The following OLR1 variants were observed in gnomAD, a reference collection of about 807,000 sequenced individuals.
The protein encoded by OLR1 is oxidized low-density lipoprotein receptor 1.
Under a neutral mutation model 31.7 loss-of-function variants are expected in OLR1, and 23 were observed. That is an observed-to-expected ratio of 0.72 (90% confidence interval 0.52 to 1.03). The LOEUF (loss-of-function observed/expected upper bound fraction) is 1.03, where lower values mean the gene tolerates loss of function less well. Ranked by LOEUF, OLR1 falls within the 50% of genes least tolerant of loss-of-function variation. The pLI is 0.00. For missense variants in OLR1, 286 were observed against 315.7 expected, an observed-to-expected ratio of 0.91 and a Z score of 0.71; for synonymous variants, 117 against 115.8, an observed-to-expected ratio of 1.01 and a Z score of -0.07.
In OLR1 at chr12:10,159,287, A is replaced by ATATG. The variant is rs1555086604; in HGVS notation, c.*592_*593insCATA. 7 of 148,398 alleles carry ATATG rather than the reference A, an allele frequency of 4.7e-5. No homozygotes were observed. Among genetic ancestry groups the ATATG allele is most frequent in the African/African-American group, 1.7e-4 (7 of 40,074 alleles). The allele number at this position is 148,398 out of a possible 1,614,324, so 9.2% of individuals were successfully genotyped here. The stretch of plus-strand genomic sequence containing the variant: ...TCTTGGGCTCCCCACTTGTCCCAAA[A>ATATG]TGTGTGTGTGTGTGTGTGTGTGTGT... On this transcript the variant is annotated 3_prime_UTR_variant, in exon 6 of 6. Coordinates refer to ENST00000309539, the MANE Select transcript of OLR1 (RefSeq NM_002543.4).
intron 1 of OLR1, 112 bp downstream of exon 1, chr12:10,171,890 C>T (rs1163032283): frequency 7.1e-6 from 5 of 704,366 alleles, no homozygotes; most frequent in African/African-American, 1.8e-5. Flanking sequence ...GGTATTAATT[C>T]TATTTTCCCA....
chr12:10,161,574 A>G (rs551560738), intron 3 of OLR1, among the ~76,000 whole-genome samples: 1 of 152,210 alleles, frequency 6.6e-6, no homozygotes, highest in South Asian at 2.1e-4. Flanking sequence ...GCATTTCTTA[A>G]AACAAATTAT....
Position 10,166,800 on chromosome 12 carries a change from C to T in OLR1, c.336G>A (p.Lys112=), listed in dbSNP as rs752617841. 4.3e-6 allele frequency: 7 copies of T among 1,613,792 alleles called. 1 individual carries two copies. In the East Asian group the frequency reaches 1.6e-4, roughly 36 times the overall value. Residue 112 remains lysine (K), a synonymous_variant, in exon 3 of 6, where the codon AAG becomes AAA. Coordinates refer to ENST00000309539, the MANE Select transcript of OLR1 (RefSeq NM_002543.4). ...LKEMIETLAR[K]LNEKSKEQME... ...TTTGCTCTTTGGATTTCTCATTCAGCTTCCGAGCAAGGGTTTCTATCATTT... is the reference window on the plus strand; with the variant it reads ...TTTGCTCTTTGGATTTCTCATTCAGTTTCCGAGCAAGGGTTTCTATCATTT...
intron 3 of OLR1, 71 bp downstream of exon 3, chr12:10,166,641 G>T: frequency 6.4e-7 from 1 of 1,570,210 alleles, no homozygotes; most frequent in East Asian, 2.2e-5. Flanking sequence ...GCCCAGAATT[G>T]TTTCCAAAAA....
chr12:10,165,181 C>T (rs2450939), intron 3 of OLR1, among the ~76,000 whole-genome samples: 150,726 of 151,386 alleles, frequency 1, 75,034 homozygotes, highest in East Asian at 1. Context: ...GAGAATCCCT[C>T]GAACCCGGGA....
intron 5 of OLR1, 25 bp downstream of exon 5, chr12:10,160,322 G>A (rs558117034): frequency 9.1e-6 from 14 of 1,540,568 alleles, no homozygotes; most frequent in Non-Finnish European, 1.3e-5. Flanking sequence ...GACGAGAGAG[G>A]CATCAAAAAG....
rs946347111 is a variant in OLR1, at chr12:10,159,382, A to G, written c.*498T>C. 6.5e-6 allele frequency: 1 copy of G among 154,032 alleles called. No homozygotes were observed. The highest frequency in any genetic ancestry group is 2.4e-5 in the African/African-American group (1 of 41,344). 9.5% of individuals were successfully genotyped at this position (154,032 alleles called of 1,614,324 possible). On this transcript the variant is annotated 3_prime_UTR_variant, in exon 6 of 6. Transcript: ENST00000309539. ...CACAGTTTAAAAACCAAGGATTGAT[A>G]CCTTTTTTAAAGTTAAGAACATGAG...
chr12:10,172,002 C>A lies in OLR1; in HGVS notation c.76G>T (p.Gly26Cys), dbSNP rs1364146823. 2 of 1,611,558 alleles carry A rather than the reference C, an allele frequency of 1.2e-6. No individual in the cohort carries two copies. Among genetic ancestry groups the A allele is most frequent in the East Asian group, 2.2e-5 (1 of 44,840 alleles). ...DEKSNGKKAK[G>C]LQFLYSPWWC... ...GTACACATTTTCCCATCCCTAGTAC[C>A]TTTAGCTTTTTTTCCATTTGACTTC... Residue 26 changes from glycine to cysteine, a missense_variant and splice_region_variant, in exon 1 of 6, where the codon GGT (glycine) becomes TGT (cysteine). Transcript: ENST00000309539.
chr12:10,170,666 A>G (rs758365899), intron 1 of OLR1: 9 of 151,838 alleles, frequency 5.9e-5, no homozygotes, highest in Non-Finnish European at 1.2e-4. Context: ...TAAATTTTGT[A>G]TTTTTAGTAC....
chr12:10,162,732 G>A (rs973177707), intron 3 of OLR1, among the ~76,000 whole-genome samples: 3 of 152,184 alleles, frequency 2.0e-5, no homozygotes, highest in Non-Finnish European at 4.4e-5. Context: ...GGAGACTGAG[G>A]TGGAAGGATC....
upstream of OLR1, among the ~76,000 whole-genome samples, chr12:10,174,384 C>G (rs901143212): frequency 6.6e-6 from 1 of 152,118 alleles, no homozygotes; most frequent in Non-Finnish European, 1.5e-5. Context: ...TTGACTGGGT[C>G]ATGGGGTTCC....
rs969706948 is a variant in OLR1, at chr12:10,158,620, A to C, written c.*1260T>G. 10 of 152,304 alleles carry C rather than the reference A, an allele frequency of 6.6e-5. No individual in the cohort carries two copies. The highest frequency in any genetic ancestry group is 2.4e-4 in the African/African-American group (10 of 41,570). The allele number at this position is 152,304 out of a possible 1,614,324, so 9.4% of individuals were successfully genotyped here. On this transcript the variant is annotated 3_prime_UTR_variant, in exon 6 of 6. Coordinates refer to ENST00000309539, the MANE Select transcript of OLR1 (RefSeq NM_002543.4). ...TCAGGAGGAGCATTGTGACACTTTG[A>C]GGGATGATGGATATGTTCACTCTCT...
At position 10,166,936 on chromosome 12, in the gene OLR1, A is replaced by G. The variant is rs1049843352; in HGVS notation, c.200T>C (p.Leu67Pro). The G allele has an allele frequency of 6.2e-7, 1 of 1,613,460 alleles. No homozygotes were observed. Among genetic ancestry groups the G allele is most frequent in the African/African-American group, 1.3e-5 (1 of 74,732 alleles). Residue 67 changes from leucine to proline, a missense_variant, in exon 3 of 6, where the codon CTA becomes CCA. Coordinates refer to ENST00000309539, the MANE Select transcript of OLR1 (RefSeq NM_002543.4). ...AGTTAGGTTTGCTTGCTCTTGTGTT[A>G]GGAGGTCAGACACCTGGGATACTGA... ...GMQLSQVSDL[L>P]TQEQANLTHQ...
chr12:10,168,784 G>A lies in OLR1; in HGVS notation c.178+290C>T, dbSNP rs186131290. Among the ~76,000 whole-genome samples, 55 of 152,136 alleles carry A rather than the reference G, an allele frequency of 3.6e-4. 4 individuals carry two copies. The East Asian group carries it at 0.01, about 29-fold the overall frequency. On this transcript the variant is annotated intron_variant, in intron 2 of 5. Transcript: ENST00000309539. ...GCTGGGATTACAGGTGTGAGCCACCGCACCCGGCCTATCCATGAAGTTATG... is the reference window on the plus strand; with the variant it reads ...GCTGGGATTACAGGTGTGAGCCACCACACCCGGCCTATCCATGAAGTTATG...
At chr12:10,164,235 C>T (rs974180844) in intron 3 of OLR1, among the ~76,000 whole-genome samples, 10 of 152,172 alleles carry the variant, frequency 6.6e-5, no homozygotes, top group Non-Finnish European at 1.3e-4. Context: ...CATTCCTATC[C>T]TTAATAGATA....
rs1948610667 is a variant in OLR1, at chr12:10,160,446, GC to G, written c.580del (p.Ala194GlnfsTer30). 6.2e-7 allele frequency: 1 copy of G among 1,613,018 alleles called. No homozygotes were observed. Among genetic ancestry groups the G allele is most frequent in the Non-Finnish European group, 8.5e-7 (1 of 1,179,490 alleles). On this transcript the variant is annotated frameshift_variant, in exon 5 of 6. Coordinates refer to ENST00000309539, the MANE Select transcript of OLR1 (RefSeq NM_002543.4). LOFTEE classifies it high-confidence loss of function. ...STADLDFIQQ[A>X]ISYSSFPFWM... ...GAATGGAAAACTGGAATAGGAAATT[GC>G]TTGCTGGATGAAGTCCTGTGGGGAG...
chr12:10,168,478 C>T (rs1020460077), intron 2 of OLR1, among the ~76,000 whole-genome samples: 5 of 152,010 alleles, frequency 3.3e-5, no homozygotes, highest in African/African-American at 4.8e-5. Flanking sequence ...AGGCTCTATC[C>T]ATGAGGTTGG....
chr12:10,170,416 C>G (rs1948701976), intron 1 of OLR1: 1 of 151,920 alleles, frequency 6.6e-6, no homozygotes, highest in Non-Finnish European at 1.5e-5. Flanking sequence ...GGGGCAAATA[C>G]CTCTATGTAA....
At chr12:10,170,519 A>C (rs1052808677) in intron 1 of OLR1, 2 of 45,830 alleles carry the variant, frequency 4.4e-5, no homozygotes, top group African/African-American at 1.6e-4. Context: ...TTTGAGGGGG[A>C]GCTTGCTCTT....
Sources: allele counts gnomAD v4.1 joint callset (sites outside exome capture counted in the v4.1 genomes callset), GRCh38; gene constraint gnomAD v4.1.1; transcripts MANE v1.5; gene names NCBI Gene and HGNC (gene_info 2026-07-23, HGNC 2026-07-21).